GLIS3: variants seen among roughly 807,000 people sequenced by gnomAD.
GLIS3 encodes the protein GLIS family zinc finger 3.
GLIS3 carries 53 observed loss-of-function variants against 78.6 expected under a neutral mutation model. The observed-to-expected ratio is 0.67, with a 90% CI of 0.54 to 0.85. The LOEUF (loss-of-function observed/expected upper bound fraction) is 0.85. Among genes scored for constraint, GLIS3 ranks in the 40% least tolerant of loss-of-function variants. The probability of loss-of-function intolerance (pLI) is 0.00; values close to 1 mark genes in which losing one functional copy is unlikely to be tolerated. For missense variants in GLIS3, 1,703 were observed against 1,231.1 expected (o/e 1.38, Z -5.74); for synonymous variants, 684 against 509.9 (o/e 1.34, Z -4.60).
At chr9:4,198,902 C>A (rs1162065654) in intron 2 of GLIS3, among the ~76,000 whole-genome samples, 2 of 152,184 alleles carry the variant, frequency 1.3e-5, no homozygotes, top group African/African-American at 4.8e-5. Flanking sequence ...GATTAGATGT[C>A]AATTTTCAGC....
At chr9:3,900,491 C>G (rs1481750519) in intron 6 of GLIS3, among the ~76,000 whole-genome samples, 5 of 151,804 alleles carry the variant, frequency 3.3e-5, no homozygotes, top group South Asian at 4.2e-4. Context: ...TGTACCCCCC[C>G]CAAAATATAC....
In GLIS3 at chr9:3,828,424, C is replaced by T. The variant is rs771319961; in HGVS notation, c.2657-16G>A. 9.9e-6 allele frequency: 16 copies of T among 1,612,122 alleles called. No individual in the cohort carries two copies. The highest frequency in any genetic ancestry group is 4.4e-5 in the South Asian group (4 of 91,002). On this transcript the variant is annotated splice_polypyrimidine_tract_variant and intron_variant, in intron 10 of 10. Transcript: ENST00000381971. The stretch of plus-strand genomic sequence containing the variant: ...AAATCATACACTGGAAGAGAAAGAA[C>T]GCAGTTAAGTCAGTAACTCCTGCCC...
intron 2 of GLIS3, among the ~76,000 whole-genome samples, chr9:4,327,520 G>T (rs1345924128): frequency 6.6e-6 from 1 of 152,144 alleles, no homozygotes; most frequent in South Asian, 2.1e-4. Context: ...GTGGGATTTA[G>T]GGAGTAAAAG....
At chr9:4,400,050 A>T in the GLIS3 span, among the ~76,000 whole-genome samples, 2 of 152,222 alleles carry the variant, frequency 1.3e-5, no homozygotes, top group Admixed American at 6.5e-5. Flanking sequence ...GATTCAGATT[A>T]TGAAGAACCT....
chr9:4,189,717 CTTG>C (rs1818151392), intron 2 of GLIS3, among the ~76,000 whole-genome samples: 1 of 152,158 alleles, frequency 6.6e-6, no homozygotes, highest in Non-Finnish European at 1.5e-5. Flanking sequence ...GTTAGCTCTT[CTTG>C]TTGAATTGAT....
At chr9:4,402,264 G>A in the GLIS3 span, among the ~76,000 whole-genome samples, 105 of 152,302 alleles carry the variant, frequency 6.9e-4, no homozygotes, top group Middle Eastern at 3.4e-3. Flanking sequence ...CCACCAAGGT[G>A]GTACCTCTAC....
intron 2 of GLIS3, among the ~76,000 whole-genome samples, chr9:4,270,353 G>T (rs1012904144): frequency 6.6e-5 from 10 of 152,184 alleles, no homozygotes; most frequent in African/African-American, 2.4e-4. Flanking sequence ...CAACTTAGTG[G>T]CTTAAAACAA....
intron 4 of GLIS3, among the ~76,000 whole-genome samples, chr9:4,065,637 A>G (rs1213656436): frequency 6.6e-6 from 1 of 152,208 alleles, no homozygotes; most frequent in Admixed American, 6.5e-5. Flanking sequence ...GGCCAGAAAA[A>G]AAATAAGTAG....
chr9:4,269,602 A>G (rs138252731), intron 2 of GLIS3, among the ~76,000 whole-genome samples: 50 of 152,302 alleles, frequency 3.3e-4, no homozygotes, highest in African/African-American at 1.1e-3. Context: ...CTACATCATT[A>G]TGTGTTCCAG....
chr9:4,445,173 G>C, the GLIS3 span, among the ~76,000 whole-genome samples: 620 of 152,274 alleles, frequency 4.1e-3, 1 homozygote, highest in African/African-American at 0.014. Flanking sequence ...CTGGACCTCA[G>C]TTTATTCATG....
intron 8 of GLIS3, among the ~76,000 whole-genome samples, chr9:3,873,432 G>A (rs1588129903): frequency 6.6e-6 from 1 of 152,114 alleles, no homozygotes; most frequent in East Asian, 1.9e-4. Context: ...ATCAATAAAT[G>A]GGATATATAA....
the GLIS3 span, among the ~76,000 whole-genome samples, chr9:4,444,341 G>A: frequency 6.6e-6 from 1 of 152,158 alleles, no homozygotes; most frequent in Non-Finnish European, 1.5e-5. Context: ...CCCCATCAGA[G>A]ATATTATGTA....
intron 4 of GLIS3, among the ~76,000 whole-genome samples, chr9:4,114,302 G>T (rs952087664): frequency 6.6e-6 from 1 of 152,022 alleles, no homozygotes; most frequent in Non-Finnish European, 1.5e-5. Context: ...ACGTTCTCAG[G>T]GTGCACTCTG....
In GLIS3 at chr9:4,269,900, CCAAA is replaced by C. The variant is rs142768330; in HGVS notation, c.388+16134_388+16137del. On this transcript the variant is annotated intron_variant, in intron 2 of 10. Transcript: ENST00000381971. ...TAGAAAGTGAAACCTGGAAACAAGC[CCAAA>C]CAGAGTACCTATAAATACTTAAAGA... Among the ~76,000 whole-genome samples the C allele has an allele frequency of 9.1e-3, 1,392 of 152,188 alleles. 15 individuals carry two copies. Among genetic ancestry groups the C allele is most frequent in the African/African-American group, 0.032 (1,332 of 41,500 alleles).
At chr9:4,105,936 G>A (rs1207603672) in intron 4 of GLIS3, among the ~76,000 whole-genome samples, 1 of 152,100 alleles carries the variant, frequency 6.6e-6, no homozygotes, top group Non-Finnish European at 1.5e-5. Context: ...GGCTGCTGGG[G>A]GAAATACTTG....
rs185202430 is a variant in GLIS3 at position 4,196,288 on chromosome 9, A to G, written c.389-70347T>C. Among the ~76,000 whole-genome samples, 13 of 152,212 alleles carry G rather than the reference A, an allele frequency of 8.5e-5. No individual in the cohort carries two copies. In the East Asian group the frequency reaches 2.1e-3, roughly 25 times the overall value. ...CAAAACAGTCCAATCAGCTCTCTGT[A>G]AAATGGACCAATCAGCTCTCTGTAA... On this transcript the variant is annotated intron_variant, in intron 2 of 10. Coordinates refer to ENST00000381971, the MANE Select transcript of GLIS3 (RefSeq NM_001042413.2).
chr9:4,401,906 T>C, the GLIS3 span, among the ~76,000 whole-genome samples: 1 of 152,094 alleles, frequency 6.6e-6, no homozygotes, highest in Non-Finnish European at 1.5e-5. Flanking sequence ...CCTCTGCCTA[T>C]GGAAAGCAGA....
intron 4 of GLIS3, among the ~76,000 whole-genome samples, chr9:4,077,197 T>C (rs927535249): frequency 6.6e-6 from 1 of 152,248 alleles, no homozygotes; most frequent in African/African-American, 2.4e-5. Context: ...TGTCAGCAAC[T>C]TTGAAATTAA....
intron 4 of GLIS3, among the ~76,000 whole-genome samples, chr9:4,047,507 C>G (rs548134234): frequency 6.6e-6 from 1 of 152,202 alleles, no homozygotes; most frequent in African/African-American, 2.4e-5. Flanking sequence ...GAATTACAAA[C>G]AAACTTAAAT....
Sources: allele counts gnomAD v4.1 joint callset (sites outside exome capture counted in the v4.1 genomes callset), GRCh38; gene constraint gnomAD v4.1.1; transcripts MANE v1.5; gene names NCBI Gene and HGNC (gene_info 2026-07-23, HGNC 2026-07-21).